The following ST8SIA3 variants were observed in gnomAD, a reference collection of about 807,000 sequenced individuals.
ST8SIA3 encodes the protein alpha-N-acetylneuraminate alpha-2,8-sialyltransferase ST8SIA3.
Under a neutral mutation model 34.5 loss-of-function variants are expected in ST8SIA3, and 17 were observed. That is an observed-to-expected ratio of 0.49 (90% CI 0.34 to 0.74). ST8SIA3 has a LOEUF of 0.74. Ranked by LOEUF, ST8SIA3 falls within the 30% of genes least tolerant of loss-of-function variation. The probability of loss-of-function intolerance (pLI) is 0.01; values close to 1 mark genes in which losing one functional copy is unlikely to be tolerated. For missense variants in ST8SIA3, 354 were observed against 467.8 expected (o/e 0.76, Z 2.24); for synonymous variants, 172 against 176.1 (o/e 0.98, Z 0.19).
At position 57,355,629 on chromosome 18, in the gene ST8SIA3, A is replaced by G. The variant is rs1412619723; in HGVS notation, c.302+1105A>G. ...TTTTTAATAATTGGGTTTTAATTCA[A>G]TATTAATTTTATGGACAACCCAGAA... On this transcript the variant is annotated intron_variant, in intron 2 of 3. Transcript: ENST00000324000. Among the ~76,000 whole-genome samples, 6 of 152,296 alleles carry G rather than the reference A, an allele frequency of 3.9e-5. No homozygotes were observed. In the East Asian group the frequency reaches 1.2e-3, roughly 29 times the overall value.
In ST8SIA3 at chr18:57,360,343, C is replaced by A; in HGVS notation, c.*66C>A. The stretch of plus-strand genomic sequence containing the variant: ...GCCCCAAATCAAATTGAATAGCCTT[C>A]AGAATAGAACCCTAGAGAATGTCTT... On this transcript the variant is annotated 3_prime_UTR_variant, in exon 4 of 4. Transcript: ENST00000324000. The A allele has an allele frequency of 7.0e-7, 1 of 1,436,806 alleles. No homozygotes were observed. Among genetic ancestry groups the A allele is most frequent in the South Asian group, 1.3e-5 (1 of 76,566 alleles). The allele number at this position is 1,436,806 out of a possible 1,614,324, so 89.0% of individuals were successfully genotyped here.
intron 2 of ST8SIA3, 47 bp from the exon 3 acceptor site, chr18:57,356,866 C>G (rs750318891): frequency 1.6e-6 from 2 of 1,230,336 alleles, no homozygotes; most frequent in South Asian, 2.9e-5. Flanking sequence ...GATGGAAAAT[C>G]AGTTCTTCTG....
Position 57,366,096 on chromosome 18 carries a change from A to G in ST8SIA3, c.*5819A>G, listed in dbSNP as rs1323672037. ...ACACAACAATATGTTTTCAAGAGCC[A>G]GTATAAGTTGGCTCCAATACAGCAT... is the stretch of plus-strand genomic sequence containing the variant. On this transcript the variant is annotated 3_prime_UTR_variant, in exon 4 of 4. Transcript: ENST00000324000. 6.6e-6 allele frequency: 1 copy of G among 152,222 alleles called. No individual in the cohort carries two copies. The highest frequency in any genetic ancestry group is 1.9e-4 in the East Asian group (1 of 5,196). The allele number at this position is 152,222 out of a possible 1,614,324, so 9.4% of individuals were successfully genotyped here. A position where few individuals can be genotyped will look rare whatever the true frequency, so the allele number is the denominator to read the frequency against.
intron 3 of ST8SIA3, among the ~76,000 whole-genome samples, chr18:57,359,047 G>A (rs1053168205): frequency 9.2e-5 from 14 of 152,156 alleles, no homozygotes; most frequent in Non-Finnish European, 1.3e-4. Context: ...CTGTGTGGCT[G>A]CCTGCCACAA....
intron 1 of ST8SIA3, 22 bp downstream of exon 1, chr18:57,353,047 A>G: frequency 6.3e-7 from 1 of 1,597,992 alleles, no homozygotes; most frequent in Non-Finnish European, 8.5e-7. Context: ...CCTCTGTGTT[A>G]GTGCCCTCGG....
chr18:57,356,796 CT>C, intron 2 of ST8SIA3, 116 bp from the exon 3 acceptor site: 9 of 678,570 alleles, frequency 1.3e-5, no homozygotes, highest in South Asian at 4.1e-5. Flanking sequence ...TATGTATAAT[CT>C]TTTTTGGATT....
In ST8SIA3 at chr18:57,360,097, T is replaced by C; in HGVS notation, c.963T>C (p.Phe321=). 1.2e-6 allele frequency: 2 copies of C among 1,614,172 alleles called. No homozygotes were observed. Among genetic ancestry groups the C allele is most frequent in the Non-Finnish European group, 1.7e-6 (2 of 1,180,006 alleles). Residue 321 remains phenylalanine, a synonymous_variant, in exon 4 of 4, where the codon TTT becomes TTC. Transcript: ENST00000324000. ...GTGAAGAGATCCACTTGTATGGATT[T>C]TGGCCGTTTGGATTTGACCCCAACA... is the stretch of plus-strand genomic sequence containing the variant. ...AICEEIHLYG[F]WPFGFDPNTR... is the part of the protein sequence containing the mutation.
chr18:57,353,546 T>C (rs1274006108), intron 1 of ST8SIA3, among the ~76,000 whole-genome samples: 4 of 152,166 alleles, frequency 2.6e-5, no homozygotes, highest in Non-Finnish European at 5.9e-5. Flanking sequence ...AGGAAGCCCC[T>C]GGGGCGTTCT....
In ST8SIA3 at chr18:57,360,284, C is replaced by T; in HGVS notation, c.*7C>T. The T allele has an allele frequency of 1.2e-6, 2 of 1,609,262 alleles. No individual in the cohort carries two copies. Among genetic ancestry groups the T allele is most frequent in the Non-Finnish European group, 1.7e-6 (2 of 1,176,472 alleles). ...TCTGTCACACTGTGCCTAAGAACTCCAAACGGAAAGCGCCAAATGGCTGTT... is the reference window on the plus strand; with the variant it reads ...TCTGTCACACTGTGCCTAAGAACTCTAAACGGAAAGCGCCAAATGGCTGTT... On this transcript the variant is annotated 3_prime_UTR_variant, in exon 4 of 4. Transcript: ENST00000324000.
intron 3 of ST8SIA3, among the ~76,000 whole-genome samples, chr18:57,358,061 G>C (rs530831479): frequency 6.6e-6 from 1 of 152,156 alleles, no homozygotes; most frequent in African/African-American, 2.4e-5. Context: ...CTAGTCTGGT[G>C]ATTTTCAACT....
Position 57,363,703 on chromosome 18 carries a change from C to T in ST8SIA3, c.*3426C>T, listed in dbSNP as rs2049845284. The T allele has an allele frequency of 6.6e-6, 1 of 152,240 alleles. No homozygotes were observed. The highest frequency in any genetic ancestry group is 6.5e-5 in the Admixed American group (1 of 15,278). 9.4% of individuals were successfully genotyped at this position (152,240 alleles called of 1,614,324 possible). On this transcript the variant is annotated 3_prime_UTR_variant, in exon 4 of 4. Transcript: ENST00000324000. ...GAGTCAAGGCACTAATTATTAGACACTCTCAGACAACAAAGCGGTATTGAC... is the reference window on the plus strand; with the variant it reads ...GAGTCAAGGCACTAATTATTAGACATTCTCAGACAACAAAGCGGTATTGAC...
rs1297868661 is a variant in ST8SIA3, at chr18:57,361,507, C to T, written c.*1230C>T. ...GGATATTCCCTCTTTCCACTGAAGTCAGATCTATACAACTACAAATTAAGC... is the reference window on the plus strand; with the variant it reads ...GGATATTCCCTCTTTCCACTGAAGTTAGATCTATACAACTACAAATTAAGC... On this transcript the variant is annotated 3_prime_UTR_variant, in exon 4 of 4. Transcript: ENST00000324000. 1 of 152,644 alleles carries T rather than the reference C, an allele frequency of 6.6e-6. No individual in the cohort carries two copies. Among genetic ancestry groups the T allele is most frequent in the East Asian group, 1.9e-4 (1 of 5,200 alleles). 9.5% of individuals were successfully genotyped at this position (152,644 alleles called of 1,614,324 possible).
intron 3 of ST8SIA3, among the ~76,000 whole-genome samples, chr18:57,359,113 G>T (rs888463794): frequency 6.6e-6 from 1 of 152,078 alleles, no homozygotes; most frequent in Admixed American, 6.5e-5. Flanking sequence ...AAATACATGG[G>T]TTCAATGAAA....
At position 57,354,742 on chromosome 18, in the gene ST8SIA3, A is replaced by G. The variant is rs1020638272; in HGVS notation, c.302+218A>G. Among the ~76,000 whole-genome samples, 3 of 151,614 alleles carry G rather than the reference A, an allele frequency of 2.0e-5. No individual in the cohort carries two copies. In the South Asian group the frequency reaches 6.2e-4, roughly 32 times the overall value. On this transcript the variant is annotated intron_variant, in intron 2 of 3. Coordinates refer to ENST00000324000, the MANE Select transcript of ST8SIA3 (RefSeq NM_015879.3). Reference sequence around the variant, plus strand: ...TGTGTAGTGTCCTCTCATAAAAAGGACATATCAGGACCAATTTGAATAGCA... The same window carrying G: ...TGTGTAGTGTCCTCTCATAAAAAGGGCATATCAGGACCAATTTGAATAGCA...
chr18:57,357,535 T>TGGGG, intron 3 of ST8SIA3, 65 bp downstream of exon 3: 1 of 1,328,802 alleles, frequency 7.5e-7, no homozygotes. Flanking sequence ...TGTAATCTCT[T>TGGGG]GGGGGTGGGA....
At chr18:57,359,196 A>G (rs1020456976) in intron 3 of ST8SIA3, among the ~76,000 whole-genome samples, 9 of 152,230 alleles carry the variant, frequency 5.9e-5, no homozygotes, top group African/African-American at 2.2e-4. Flanking sequence ...CCAATGATAA[A>G]TACACACACC....
At chr18:57,357,581 T>C (rs2049806736) in intron 3 of ST8SIA3, 111 bp downstream of exon 3, 1 of 852,192 alleles carries the variant, frequency 1.2e-6, no homozygotes, top group African/African-American at 1.7e-5. Context: ...GTGAGTTTAG[T>C]AGTAATTAGA....
Position 57,365,989 on chromosome 18 carries a change from T to G in ST8SIA3, c.*5712T>G, listed in dbSNP as rs1402378660. On this transcript the variant is annotated 3_prime_UTR_variant, in exon 4 of 4. Transcript: ENST00000324000. ...CTGGAAAACAGTGGAACCCAGATTT[T>G]TAGCACCTACCAATTTCTATGGTGT... The G allele has an allele frequency of 6.6e-6, 1 of 152,210 alleles. No homozygotes were observed. The highest frequency in any genetic ancestry group is 1.5e-5 in the Non-Finnish European group (1 of 68,034). The allele number at this position is 152,210 out of a possible 1,614,324, so 9.4% of individuals were successfully genotyped here. A position where few individuals can be genotyped will look rare whatever the true frequency, so the allele number is the denominator to read the frequency against.
rs1422514228 is a variant in ST8SIA3 at position 57,357,690 on chromosome 18, T to C, written c.860+220T>C. ...GTAACCAAGTGTCAGATGGAAGGATTGGGGCTTCATCAGTCTCCCGTCTCT... is the reference window on the plus strand; with the variant it reads ...GTAACCAAGTGTCAGATGGAAGGATCGGGGCTTCATCAGTCTCCCGTCTCT... On this transcript the variant is annotated intron_variant, in intron 3 of 3. Transcript: ENST00000324000. Among the ~76,000 whole-genome samples, 2 of 152,180 alleles carry C rather than the reference T, an allele frequency of 1.3e-5. 1 individual carries two copies. The highest frequency in any genetic ancestry group is 2.9e-5 in the Non-Finnish European group (2 of 68,026).
Sources: allele counts gnomAD v4.1 joint callset (sites outside exome capture counted in the v4.1 genomes callset), GRCh38; gene constraint gnomAD v4.1.1; transcripts MANE v1.5; gene names NCBI Gene and HGNC (gene_info 2026-07-23, HGNC 2026-07-21).